The following NT5C2 variants were observed in gnomAD, a reference collection of about 807,000 sequenced individuals.
NT5C2 encodes the protein 5'-nucleotidase, cytosolic II, also known as cytosolic purine 5'-nucleotidase.
NT5C2 carries 58 observed loss-of-function variants against 76.1 expected under a neutral mutation model. The observed-to-expected ratio is 0.76, with a 90% CI of 0.62 to 0.95. NT5C2 has a LOEUF of 0.95. NT5C2 is among the 40% of genes least tolerant of loss of function. The pLI, the probability that NT5C2 is intolerant of heterozygous loss-of-function variation, is 0.00. For synonymous variants in NT5C2, 229 were observed against 237.4 expected, an observed-to-expected ratio of 0.96 and a Z score of 0.32; for missense variants, 478 against 690.3, an observed-to-expected ratio of 0.69 and a Z score of 3.45.
At chr10:103,128,068 CCTCTCCCTCTCCCTCTCCCTCTGT>C (rs1329626976) in intron 4 of NT5C2, among the ~76,000 whole-genome samples, 31 of 150,222 alleles carry the variant, frequency 2.1e-4, no homozygotes, top group African/African-American at 7.1e-4. Context: ...TCTCCCTCTC[CCTCTCCCTCTCCCTCTCCCTCTGT>C]CTCCCTCTCC....
intron 3 of NT5C2, among the ~76,000 whole-genome samples, chr10:103,151,764 G>T (rs1477900874): frequency 6.6e-6 from 1 of 152,108 alleles, no homozygotes; most frequent in Non-Finnish European, 1.5e-5. Flanking sequence ...AACGGTGAAT[G>T]TAAGAATTTT....
chr10:103,136,145 G>T (rs1435040316), intron 4 of NT5C2, among the ~76,000 whole-genome samples: 2 of 152,120 alleles, frequency 1.3e-5, no homozygotes, highest in African/African-American at 4.8e-5. Flanking sequence ...TCTATCAGCA[G>T]CATGAAAACA....
chr10:103,110,435 AAC>A (rs1322622399), intron 4 of NT5C2, among the ~76,000 whole-genome samples: 1 of 152,192 alleles, frequency 6.6e-6, no homozygotes, highest in East Asian at 1.9e-4. Context: ...CAGTCTGGGC[AAC>A]AGAGTGAGAC....
At chr10:103,093,687 A>C (rs2134685313) in intron 14 of NT5C2, 1 of 434,162 alleles carries the variant, frequency 2.3e-6, no homozygotes. Context: ...CCTTGAGAAC[A>C]TATTGAGAAG....
chr10:103,174,974 T>C lies in NT5C2; in HGVS notation c.-16A>G. 2 of 1,507,898 alleles carry C rather than the reference T, an allele frequency of 1.3e-6. No individual in the cohort carries two copies. The highest frequency in any genetic ancestry group is 1.1e-5 in the South Asian group (1 of 88,984). The allele number at this position is 1,507,898 out of a possible 1,614,324, so 93.4% of individuals were successfully genotyped here. A position where few individuals can be genotyped will look rare whatever the true frequency, so the allele number is the denominator to read the frequency against. On this transcript the variant is annotated 5_prime_UTR_variant, in exon 3 of 19. Coordinates refer to ENST00000404739, the MANE Select transcript of NT5C2 (RefSeq NM_001351169.2). ...AGGTTGACATTTTATTTTAACTGTA[T>C]TTTGTATTCTAGAAAAGAAAATCAT...
intron 3 of NT5C2, among the ~76,000 whole-genome samples, chr10:103,174,251 A>G (rs1421670229): frequency 6.6e-6 from 1 of 152,076 alleles, no homozygotes; most frequent in Non-Finnish European, 1.5e-5. Context: ...TACCAAAACT[A>G]CAAAAATTAG....
chr10:103,139,914 A>G (rs2080070745), intron 3 of NT5C2, among the ~76,000 whole-genome samples: 1 of 151,830 alleles, frequency 6.6e-6, no homozygotes, highest in South Asian at 2.1e-4. Context: ...ATCCTTCCCC[A>G]ACACTGTTTT....
At chr10:103,140,077 C>T (rs956411829) in intron 3 of NT5C2, 2 of 152,228 alleles carry the variant, frequency 1.3e-5, no homozygotes, top group Non-Finnish European at 2.9e-5. Context: ...CGTCAGCAAG[C>T]CCGGATAATT....
chr10:103,129,604 C>A (rs1591230453), intron 4 of NT5C2, among the ~76,000 whole-genome samples: 1 of 115,392 alleles, frequency 8.7e-6, no homozygotes, highest in African/African-American at 3.3e-5. Flanking sequence ...CGGCCAGCCG[C>A]CCCGTCCGGG....
At chr10:103,116,408 GTATTATGTATCACA>G (rs1452416268) in intron 4 of NT5C2, among the ~76,000 whole-genome samples, 1 of 152,026 alleles carries the variant, frequency 6.6e-6, no homozygotes, top group Non-Finnish European at 1.5e-5. Flanking sequence ...GTGTACACAA[GTATTATGTATCACA>G]CATACAGAAT....
At chr10:103,179,185 G>A (rs2090632397) in intron 2 of NT5C2, among the ~76,000 whole-genome samples, 1 of 151,850 alleles carries the variant, frequency 6.6e-6, no homozygotes, top group African/African-American at 2.4e-5. Flanking sequence ...CTGACCTCAT[G>A]ATCTGCCCAC....
At chr10:103,166,103 A>T (rs578067034) in intron 3 of NT5C2, among the ~76,000 whole-genome samples, 3 of 152,404 alleles carry the variant, frequency 2.0e-5, no homozygotes, top group South Asian at 4.1e-4. Flanking sequence ...ATCTTGTGCC[A>T]TATAGAAAAA....
At chr10:103,098,760 TCTA>T (rs1168073724) in intron 10 of NT5C2, 168 bp downstream of exon 10, 5 of 547,344 alleles carry the variant, frequency 9.1e-6, no homozygotes, top group Admixed American at 7.0e-5. Flanking sequence ...CAGGAAAAAC[TCTA>T]CTAAGACCTA....
At chr10:103,151,576 T>C (rs2082415100) in intron 3 of NT5C2, among the ~76,000 whole-genome samples, 1 of 152,140 alleles carries the variant, frequency 6.6e-6, no homozygotes, top group Admixed American at 6.5e-5. Flanking sequence ...GGTTCCATAA[T>C]CTATATGCCT....
At chr10:103,188,978 G>C (rs1182004997) in intron 1 of NT5C2, among the ~76,000 whole-genome samples, 1 of 151,862 alleles carries the variant, frequency 6.6e-6, no homozygotes, top group Non-Finnish European at 1.5e-5. Context: ...AGCCAGCCTG[G>C]GCAACAAAGT....
intron 4 of NT5C2, among the ~76,000 whole-genome samples, chr10:103,113,871 AG>A (rs969968608): frequency 6.6e-6 from 1 of 152,202 alleles, no homozygotes; most frequent in African/African-American, 2.4e-5. Flanking sequence ...CAATTTCTCA[AG>A]GTACTATAAA....
chr10:103,153,567 G>A (rs560458857), intron 3 of NT5C2: 1 of 985,276 alleles, frequency 1.0e-6, no homozygotes, highest in East Asian at 1.1e-4. Context: ...ACTGTTTAAG[G>A]CTGGCCAGTT....
intron 1 of NT5C2, among the ~76,000 whole-genome samples, chr10:103,182,281 T>C (rs2091214059): frequency 1.3e-5 from 2 of 152,132 alleles, no homozygotes; most frequent in Non-Finnish European, 2.9e-5. Context: ...TCAACATAGA[T>C]AATAGGGTAA....
Position 103,088,973 on chromosome 10 carries a change from A to C in NT5C2, c.*699T>G, listed in dbSNP as rs1009867728. On this transcript the variant is annotated 3_prime_UTR_variant, in exon 19 of 19. Transcript: ENST00000404739. ...AATTCTTTCTATAGATTTATCACAG[A>C]TAAGAAGGAGGTTGTTTTTGGATAA... is the stretch of plus-strand genomic sequence containing the variant. 1 of 209,518 alleles carries C rather than the reference A, an allele frequency of 4.8e-6. No individual in the cohort carries two copies. The highest frequency in any genetic ancestry group is 2.3e-5 in the African/African-American group (1 of 44,012). 13.0% of individuals were successfully genotyped at this position (209,518 alleles called of 1,614,324 possible). A position where few individuals can be genotyped will look rare whatever the true frequency, so the allele number is the denominator to read the frequency against.
Sources: allele counts gnomAD v4.1 joint callset (sites outside exome capture counted in the v4.1 genomes callset), GRCh38; gene constraint gnomAD v4.1.1; transcripts MANE v1.5; gene names NCBI Gene and HGNC (gene_info 2026-07-23, HGNC 2026-07-21).